NCBP1: variants seen among roughly 807,000 people sequenced by gnomAD.
NCBP1 encodes the protein nuclear cap-binding protein subunit 1.
In NCBP1, 16 loss-of-function variants were observed where a neutral mutation model predicts 111.7. That is an observed-to-expected ratio of 0.14 (90% confidence interval 0.10 to 0.22). The LOEUF (loss-of-function observed/expected upper bound fraction) is 0.22. Among genes scored for constraint, NCBP1 ranks in the 10% least tolerant of loss-of-function variants. The pLI is 1.00. For synonymous variants in NCBP1, 304 were observed against 314.3 expected (o/e 0.97, Z 0.35); for missense variants, 607 against 957.5 (o/e 0.63, Z 4.83).
intron 14 of NCBP1, 22 bp from the exon 15 acceptor site, chr9:97,658,618 G>A (rs1283420905): frequency 1.3e-6 from 2 of 1,541,446 alleles, no homozygotes; most frequent in East Asian, 4.5e-5. Flanking sequence ...GATATTTTCT[G>A]AGGCTGTTAT....
chr9:97,671,358 T>G lies in NCBP1; in HGVS notation c.*159T>G. Reference sequence around the variant, plus strand: ...TGAATGAACATGGCATTACTTTTAATTGCCCTGAAAAGCAAATACTTCCTA... The same window carrying G: ...TGAATGAACATGGCATTACTTTTAAGTGCCCTGAAAAGCAAATACTTCCTA... On this transcript the variant is annotated 3_prime_UTR_variant, in exon 23 of 23. Transcript: ENST00000375147. The G allele has an allele frequency of 3.5e-6, 2 of 566,610 alleles. No individual in the cohort carries two copies. The highest frequency in any genetic ancestry group is 6.2e-6 in the Non-Finnish European group (2 of 324,376). 35.1% of individuals were successfully genotyped at this position (566,610 alleles called of 1,614,324 possible). A position where few individuals can be genotyped will look rare whatever the true frequency, so the allele number is the denominator to read the frequency against.
chr9:97,658,293 A>G (rs1827730028), intron 14 of NCBP1, among the ~76,000 whole-genome samples: 1 of 152,210 alleles, frequency 6.6e-6, no homozygotes, highest in Non-Finnish European at 1.5e-5. Context: ...AGGCAGTAAC[A>G]AACTTGGCTT....
intron 14 of NCBP1, among the ~76,000 whole-genome samples, chr9:97,657,209 G>C (rs1160382527): frequency 6.6e-6 from 1 of 152,052 alleles, no homozygotes; most frequent in African/African-American, 2.4e-5. Context: ...CTCGTGATCC[G>C]CCCGCCTCGG....
rs1328893857 is a variant in NCBP1 at position 97,648,273 on chromosome 9, T to G, written c.897+50T>G. The G allele has an allele frequency of 1.9e-6, 3 of 1,552,374 alleles. No individual in the cohort carries two copies. The South Asian group carries it at 3.4e-5, about 17-fold the overall frequency. ...GATATTGACCTGTGTTGCATTGTGC[T>G]TGTGGGTTAATCCCGCTTGAATTAT... On this transcript the variant is annotated intron_variant, in intron 8 of 22. Coordinates refer to ENST00000375147, the MANE Select transcript of NCBP1 (RefSeq NM_002486.5).
At position 97,633,861 on chromosome 9, in the gene NCBP1, C is replaced by T. The variant is rs1437668627; in HGVS notation, c.-21C>T. 3 of 1,580,186 alleles carry T rather than the reference C, an allele frequency of 1.9e-6. No homozygotes were observed. The highest frequency in any genetic ancestry group is 3.6e-5 in the Admixed American group (2 of 55,372). ...CGCTTACCGCCTGGCCTCTCGGTTCCGCGGCGCACCGGAGGGCAGCATGTC... is the reference window on the plus strand; with the variant it reads ...CGCTTACCGCCTGGCCTCTCGGTTCTGCGGCGCACCGGAGGGCAGCATGTC... On this transcript the variant is annotated 5_prime_UTR_variant, in exon 1 of 23. Transcript: ENST00000375147.
At chr9:97,659,652 C>T (rs1827775587) in intron 15 of NCBP1, among the ~76,000 whole-genome samples, 1 of 152,148 alleles carries the variant, frequency 6.6e-6, no homozygotes, top group Non-Finnish European at 1.5e-5. Context: ...TGCTGTTAGC[C>T]ACTGTGCTTT....
chr9:97,635,509 C>T (rs1000710014), intron 1 of NCBP1, among the ~76,000 whole-genome samples: 1 of 151,266 alleles, frequency 6.6e-6, no homozygotes, highest in Non-Finnish European at 1.5e-5. Flanking sequence ...CTCTCAGGCT[C>T]AAGTGATCCT....
At chr9:97,643,090 GC>G (rs1310876788) in intron 3 of NCBP1, 113 bp from the exon 4 acceptor site, 3 of 1,066,546 alleles carry the variant, frequency 2.8e-6, no homozygotes, top group Non-Finnish European at 3.9e-6. Context: ...TAAAGACATA[GC>G]TAAAAGTAAT....
chr9:97,644,908 C>T (rs1169195900), intron 4 of NCBP1, among the ~76,000 whole-genome samples: 1 of 152,018 alleles, frequency 6.6e-6, no homozygotes. Flanking sequence ...TTGTATATGT[C>T]ATAAAATACT....
At chr9:97,648,574 G>T (rs902541990) in intron 8 of NCBP1, among the ~76,000 whole-genome samples, 1 of 152,196 alleles carries the variant, frequency 6.6e-6, no homozygotes, top group South Asian at 2.1e-4. Context: ...TTCATTTCCT[G>T]AAGGTAATAA....
chr9:97,669,567 T>A (rs770814165), intron 21 of NCBP1, 26 bp from the exon 22 acceptor site: 23 of 1,491,374 alleles, frequency 1.5e-5, no homozygotes, highest in Non-Finnish European at 2.1e-5. Flanking sequence ...TCTGTAGTAC[T>A]ACCTTAACTT....
intron 9 of NCBP1, 79 bp downstream of exon 9, chr9:97,650,679 G>C (rs1044993338): frequency 3.0e-5 from 35 of 1,182,018 alleles, no homozygotes; most frequent in Admixed American, 8.3e-5. Context: ...AATATATGTT[G>C]AGAGTGTAAG....
chr9:97,634,745 A>T (rs1432712538), intron 1 of NCBP1: 2 of 152,262 alleles, frequency 1.3e-5, no homozygotes, highest in Non-Finnish European at 2.9e-5. Context: ...TTCTATTGTT[A>T]ACATTTTAGT....
At chr9:97,658,137 G>A (rs1273730817) in intron 14 of NCBP1, among the ~76,000 whole-genome samples, 1 of 151,590 alleles carries the variant, frequency 6.6e-6, no homozygotes, top group East Asian at 1.9e-4. Flanking sequence ...CCATTGGGGT[G>A]TCATTGGTTC....
chr9:97,664,500 C>A, intron 19 of NCBP1, 57 bp downstream of exon 19: 1 of 1,151,398 alleles, frequency 8.7e-7, no homozygotes, highest in Non-Finnish European at 1.3e-6. Flanking sequence ...TATGTGTGGT[C>A]TCTTATACAT....
At chr9:97,639,794 A>G (rs1022537447) in intron 1 of NCBP1, among the ~76,000 whole-genome samples, 2 of 152,132 alleles carry the variant, frequency 1.3e-5, no homozygotes, top group East Asian at 3.8e-4. Flanking sequence ...TTAAGGCTTT[A>G]AACAAAGTGG....
intron 21 of NCBP1, 61 bp downstream of exon 21, chr9:97,669,035 T>C: frequency 6.8e-7 from 1 of 1,478,214 alleles, no homozygotes; most frequent in Non-Finnish European, 9.1e-7. Context: ...AGTTTTAGTT[T>C]TTAAAAATGT....
At chr9:97,648,326 GT>G in intron 8 of NCBP1, 103 bp downstream of exon 8, 1 of 1,059,314 alleles carries the variant, frequency 9.4e-7, no homozygotes, top group Non-Finnish European at 1.4e-6. Context: ...ATTTTGAGTT[GT>G]TTTTATCTAA....
chr9:97,671,407 A>G lies in NCBP1; in HGVS notation c.*208A>G, dbSNP rs140784778. On this transcript the variant is annotated 3_prime_UTR_variant, in exon 23 of 23. Coordinates refer to ENST00000375147, the MANE Select transcript of NCBP1 (RefSeq NM_002486.5). ...TAACGGCAGTAATGTGACTATGACC[A>G]TGATATATTATATATGTGACAGATA... The G allele has an allele frequency of 4.0e-6, 2 of 497,768 alleles. No individual in the cohort carries two copies. Among genetic ancestry groups the G allele is most frequent in the African/African-American group, 2.0e-5 (1 of 51,174 alleles). 30.8% of individuals were successfully genotyped at this position (497,768 alleles called of 1,614,324 possible).
Sources: allele counts gnomAD v4.1 joint callset (sites outside exome capture counted in the v4.1 genomes callset), GRCh38; gene constraint gnomAD v4.1.1; transcripts MANE v1.5; gene names NCBI Gene and HGNC (gene_info 2026-07-23, HGNC 2026-07-21).